Variants in FBXL17 observed in about 807,000 individuals in gnomAD.
FBXL17 encodes F-box/LRR-repeat protein 17.
In FBXL17, 22 loss-of-function variants were observed where a neutral mutation model predicts 66.2. That is an observed-to-expected ratio of 0.33 (90% CI 0.24 to 0.47). The LOEUF is 0.47. Among genes scored for constraint, FBXL17 ranks in the 20% least tolerant of loss-of-function variants. The pLI is 1.00. For synonymous variants in FBXL17, 474 were observed against 400.5 expected (o/e 1.18, Z -2.19); for missense variants, 878 against 948.2 (o/e 0.93, Z 0.97).
chr5:107,878,891 C>T (rs1362228105), intron 8 of FBXL17: 12 of 985,358 alleles, frequency 1.2e-5, no homozygotes, highest in Non-Finnish European at 1.4e-5. Flanking sequence ...AGGCTCTGAC[C>T]AGACGGCGTC....
chr5:108,126,651 C>CTCTCTCTCTCTCTCTCTATA (rs1554067324), intron 6 of FBXL17, among the ~76,000 whole-genome samples: 1 of 108,040 alleles, frequency 9.3e-6, no homozygotes, highest in Admixed American at 9.5e-5. Flanking sequence ...CTCTCTCTCT[C>CTCTCTCTCTCTCTCTCTATA]TATATATATA....
intron 8 of FBXL17, chr5:107,879,532 T>C (rs1341503606): frequency 1.0e-6 from 1 of 985,330 alleles, no homozygotes; most frequent in African/African-American, 1.7e-5. Flanking sequence ...AACATTTCTC[T>C]AAACATAACT....
intron 7 of FBXL17, among the ~76,000 whole-genome samples, chr5:107,988,062 A>T (rs768695765): frequency 6.6e-6 from 1 of 152,070 alleles, no homozygotes; most frequent in Non-Finnish European, 1.5e-5. Flanking sequence ...TAAATCACCA[A>T]TTAAAAACAA....
chr5:107,939,081 G>T (rs971192162), intron 7 of FBXL17, among the ~76,000 whole-genome samples: 3 of 151,936 alleles, frequency 2.0e-5, no homozygotes, highest in African/African-American at 7.3e-5. Context: ...TTCTGGAAGG[G>T]GATGATTTGC....
In FBXL17 at chr5:108,027,107, G is replaced by A. The variant is rs183623123; in HGVS notation, c.1746-6106C>T. Among the ~76,000 whole-genome samples the A allele has an allele frequency of 2.1e-4, 32 of 152,118 alleles. No homozygotes were observed. In the East Asian group the frequency reaches 6.2e-3, roughly 29 times the overall value. The stretch of plus-strand genomic sequence containing the variant: ...TAATATTTTTCATATATTTAGGAAT[G>A]GCCATCACAAACCTGCTGTTATGAA... On this transcript the variant is annotated intron_variant, in intron 6 of 8. Transcript: ENST00000542267.
intron 7 of FBXL17, among the ~76,000 whole-genome samples, chr5:107,966,796 T>C (rs1752159615): frequency 6.6e-6 from 1 of 152,156 alleles, no homozygotes; most frequent in African/African-American, 2.4e-5. Flanking sequence ...AAATTCCCCA[T>C]CATTATGAAC....
At chr5:108,163,392 T>C (rs1467453987) in intron 6 of FBXL17, among the ~76,000 whole-genome samples, 3 of 88,800 alleles carry the variant, frequency 3.4e-5, no homozygotes, top group African/African-American at 6.8e-5. Flanking sequence ...TGAAAACTTT[T>C]TTTTTTCTTT....
At chr5:107,969,465 T>C (rs1368047293) in intron 7 of FBXL17, among the ~76,000 whole-genome samples, 5 of 152,126 alleles carry the variant, frequency 3.3e-5, no homozygotes, top group Admixed American at 2.6e-4. Context: ...CAAATAAAGA[T>C]ATCTTTCTTC....
intron 1 of FBXL17, among the ~76,000 whole-genome samples, chr5:108,370,901 G>A (rs879648046): frequency 6.6e-6 from 1 of 152,124 alleles, no homozygotes; most frequent in South Asian, 2.1e-4. Context: ...TAAAAAGTTA[G>A]TAACAAATGA....
chr5:108,006,708 A>G (rs1346695501), intron 7 of FBXL17, among the ~76,000 whole-genome samples: 1 of 152,186 alleles, frequency 6.6e-6, no homozygotes. Context: ...AAGAAGAAAA[A>G]GTAGGAAAGT....
chr5:108,254,661 T>C (rs764214767), intron 4 of FBXL17, among the ~76,000 whole-genome samples: 5 of 152,248 alleles, frequency 3.3e-5, no homozygotes, highest in African/African-American at 4.8e-5. Context: ...GCAAGGATGC[T>C]ACAATATGCT....
chr5:107,900,615 A>ACAGCATGTAG (rs70996969), intron 7 of FBXL17, among the ~76,000 whole-genome samples: 117,364 of 151,676 alleles, frequency 0.77, 45,774 homozygotes, highest in Middle Eastern at 0.81. Flanking sequence ...AGATATGCTT[A>ACAGCATGTAG]TAACTACTAT....
chr5:108,224,282 G>A lies in FBXL17; in HGVS notation c.1507-54C>T, dbSNP rs1754998527. 4 of 1,027,760 alleles carry A rather than the reference G, an allele frequency of 3.9e-6. No individual in the cohort carries two copies. In the Admixed American group the frequency reaches 5.9e-5, roughly 15 times the overall value. The allele number at this position is 1,027,760 out of a possible 1,614,324, so 63.7% of individuals were successfully genotyped here. ...CAAGGTAATAGTCCAGTGAACTCAAGGATTTGGCTCCTGAAAATCCTCTCA... is the reference window on the plus strand; with the variant it reads ...CAAGGTAATAGTCCAGTGAACTCAAAGATTTGGCTCCTGAAAATCCTCTCA... On this transcript the variant is annotated intron_variant, in intron 4 of 8. Coordinates refer to ENST00000542267, the MANE Select transcript of FBXL17 (RefSeq NM_001163315.3).
chr5:107,938,763 T>C (rs891348405), intron 7 of FBXL17, among the ~76,000 whole-genome samples: 1 of 152,186 alleles, frequency 6.6e-6, no homozygotes, highest in African/African-American at 2.4e-5. Context: ...ACATATCTTC[T>C]AGAAAACAGC....
chr5:108,081,735 A>C (rs1460146613), intron 6 of FBXL17, among the ~76,000 whole-genome samples: 1 of 152,038 alleles, frequency 6.6e-6, no homozygotes, highest in African/African-American at 2.4e-5. Flanking sequence ...AAAATAAATA[A>C]ATAAAAAATA....
chr5:108,211,656 C>T (rs559244409), intron 5 of FBXL17, among the ~76,000 whole-genome samples: 2 of 152,168 alleles, frequency 1.3e-5, no homozygotes, highest in Non-Finnish European at 2.9e-5. Flanking sequence ...TATTGGCCCC[C>T]ACTCTCTTCT....
intron 7 of FBXL17, among the ~76,000 whole-genome samples, chr5:107,976,959 C>T (rs879344675): frequency 2.0e-5 from 3 of 152,184 alleles, no homozygotes; most frequent in Non-Finnish European, 4.4e-5. Context: ...TCTTTCCAAG[C>T]TCATATATGA....
chr5:108,245,916 G>A (rs559640342), intron 4 of FBXL17, among the ~76,000 whole-genome samples: 21 of 152,268 alleles, frequency 1.4e-4, no homozygotes, highest in Admixed American at 9.2e-4. Flanking sequence ...GTTAACATAT[G>A]TAAGTAGCAC....
intron 4 of FBXL17, among the ~76,000 whole-genome samples, chr5:108,305,578 A>G (rs1295966582): frequency 6.6e-6 from 1 of 152,022 alleles, no homozygotes; most frequent in East Asian, 1.9e-4. Flanking sequence ...TCCAACCTGT[A>G]TGAGAGGAAA....
Sources: allele counts gnomAD v4.1 joint callset (sites outside exome capture counted in the v4.1 genomes callset), GRCh38; gene constraint gnomAD v4.1.1; transcripts MANE v1.5; gene names NCBI Gene and HGNC (gene_info 2026-07-23, HGNC 2026-07-21).